AP4S1: variants seen among roughly 807,000 people sequenced by gnomAD.
AP4S1 encodes AP-4 complex subunit sigma-1.
In AP4S1, 23 loss-of-function variants were observed where a neutral mutation model predicts 19.8. The observed-to-expected ratio is 1.16, with a 90% CI of 0.84 to 1.65. The LOEUF (loss-of-function observed/expected upper bound fraction) is 1.65. Among genes scored for constraint, AP4S1 ranks in the 40% most tolerant of loss-of-function variants. The pLI is 0.00. For synonymous variants in AP4S1, 46 were observed against 54.1 expected (o/e 0.85, Z 0.66); for missense variants, 166 against 172.8 (o/e 0.96, Z 0.22).
chr14:31,073,979 G>A (rs1055738316), intron 4 of AP4S1, among the ~76,000 whole-genome samples: 39 of 152,152 alleles, frequency 2.6e-4, no homozygotes, highest in African/African-American at 9.2e-4. Flanking sequence ...TCTTTTTAAA[G>A]CCATTTTAAT....
chr14:31,055,249 C>T (rs555706173), intron 1 of AP4S1, among the ~76,000 whole-genome samples: 35 of 152,088 alleles, frequency 2.3e-4, no homozygotes, highest in South Asian at 2.1e-3. Flanking sequence ...TCTCAACATG[C>T]AATAAAATGG....
At chr14:31,039,052 T>C (rs934930049) in intron 1 of AP4S1, among the ~76,000 whole-genome samples, 1 of 151,994 alleles carries the variant, frequency 6.6e-6, no homozygotes, top group African/African-American at 2.4e-5. Context: ...CTCTGTTGCC[T>C]TGATCTGTGG....
At chr14:31,052,254 A>T (rs1885837255) in intron 1 of AP4S1, among the ~76,000 whole-genome samples, 1 of 152,148 alleles carries the variant, frequency 6.6e-6, no homozygotes, top group African/African-American at 2.4e-5. Flanking sequence ...CTTTGGTGAT[A>T]GAGTGAGACC....
intron 1 of AP4S1, among the ~76,000 whole-genome samples, chr14:31,052,148 A>G (rs1282325712): frequency 6.6e-6 from 1 of 151,934 alleles, no homozygotes; most frequent in East Asian, 1.9e-4. Context: ...ACGTGTGCCT[A>G]GAGTCACAAC....
intron 1 of AP4S1, among the ~76,000 whole-genome samples, chr14:31,040,981 A>T (rs935404708): frequency 6.6e-6 from 1 of 150,774 alleles, no homozygotes; most frequent in African/African-American, 2.4e-5. Flanking sequence ...AGGCTGAGGC[A>T]GGAGAATGGT....
chr14:31,067,682 CT>C (rs1335794823), intron 2 of AP4S1, among the ~76,000 whole-genome samples: 1 of 151,274 alleles, frequency 6.6e-6, no homozygotes. Flanking sequence ...CCACACCCAG[CT>C]TATTTTTGTA....
At chr14:31,081,129 G>A (rs547773309) in intron 5 of AP4S1, among the ~76,000 whole-genome samples, 1 of 152,184 alleles carries the variant, frequency 6.6e-6, no homozygotes, top group South Asian at 2.1e-4. Flanking sequence ...AGGCAGGATA[G>A]CGCTATCATA....
intron 1 of AP4S1, among the ~76,000 whole-genome samples, chr14:31,036,148 A>T (rs1472595925): frequency 6.6e-6 from 1 of 152,002 alleles, no homozygotes; most frequent in African/African-American, 2.4e-5. Flanking sequence ...AAAATAATCT[A>T]ATATATTGTT....
chr14:31,049,983 A>G (rs1009741368), intron 1 of AP4S1, among the ~76,000 whole-genome samples: 4 of 152,102 alleles, frequency 2.6e-5, no homozygotes, highest in Non-Finnish European at 5.9e-5. Flanking sequence ...GTGCAGTGGC[A>G]TGATCTCGGC....
intron 1 of AP4S1, among the ~76,000 whole-genome samples, chr14:31,061,675 G>A (rs1886446477): frequency 1.3e-5 from 2 of 150,542 alleles, no homozygotes. Context: ...ATGGAGTCTC[G>A]CTCTGTCACC....
At chr14:31,071,715 G>A (rs1887012277) in intron 3 of AP4S1, among the ~76,000 whole-genome samples, 1 of 151,646 alleles carries the variant, frequency 6.6e-6, no homozygotes, top group Non-Finnish European at 1.5e-5. Flanking sequence ...ACCGCACCCG[G>A]CCTAAATTTT....
intron 1 of AP4S1, among the ~76,000 whole-genome samples, chr14:31,064,533 G>A (rs751037538): frequency 2.9e-4 from 44 of 152,276 alleles, no homozygotes; most frequent in African/African-American, 9.9e-4. Context: ...TATTGGCCAG[G>A]CTGGTCTTGA....
chr14:31,028,154 G>A (rs925359614), intron 1 of AP4S1, among the ~76,000 whole-genome samples: 9 of 151,198 alleles, frequency 6.0e-5, no homozygotes, highest in Non-Finnish European at 1.2e-4. Context: ...TAATGTTAAG[G>A]ACCATTTCTT....
At chr14:31,091,292 A>G (rs924471800) in intron 5 of AP4S1, among the ~76,000 whole-genome samples, 3 of 152,178 alleles carry the variant, frequency 2.0e-5, no homozygotes, top group Non-Finnish European at 4.4e-5. Flanking sequence ...CTTAGTGAAT[A>G]TAACAGGAAG....
intron 4 of AP4S1, chr14:31,073,241 A>G (rs1887119385): frequency 5.3e-6 from 2 of 375,204 alleles, no homozygotes; most frequent in South Asian, 2.4e-5. Context: ...CTGTAATCCC[A>G]GCACTTTGGG....
At chr14:31,047,235 C>G (rs1885460345) in intron 1 of AP4S1, among the ~76,000 whole-genome samples, 1 of 151,564 alleles carries the variant, frequency 6.6e-6, no homozygotes, top group South Asian at 2.1e-4. Flanking sequence ...TATTCTAAAT[C>G]CAAGTCCTTC....
intron 3 of AP4S1, 134 bp from the exon 4 acceptor site, chr14:31,072,771 G>A (rs949619708): frequency 2.8e-6 from 2 of 709,058 alleles, no homozygotes; most frequent in African/African-American, 1.8e-5. Context: ...TTGTCAGTGG[G>A]AGGCTACTTT....
chr14:31,075,626 C>A (rs768438873), intron 4 of AP4S1, among the ~76,000 whole-genome samples: 2 of 152,068 alleles, frequency 1.3e-5, no homozygotes, highest in Non-Finnish European at 2.9e-5. Context: ...TTTTGTGTGA[C>A]TGGCTTCTTT....
intron 1 of AP4S1, among the ~76,000 whole-genome samples, chr14:31,054,069 G>A (rs2139511773): frequency 1.3e-5 from 2 of 152,220 alleles, no homozygotes; most frequent in East Asian, 3.9e-4. Flanking sequence ...GCTAGAAAAA[G>A]CTTTCATTCA....
Sources: gnomAD v4.1 joint callset for allele counts (sites outside exome capture counted in the v4.1 genomes callset) on GRCh38, gnomAD v4.1.1 for gene constraint, MANE v1.5 for transcripts, NCBI Gene and HGNC (gene_info 2026-07-23, HGNC 2026-07-21) for gene names.